The following P2RY6 variants were observed in gnomAD, a reference collection of about 807,000 sequenced individuals.
P2RY6 encodes the protein P2Y purinoceptor 6.
A neutral mutation model predicts 16.3 loss-of-function variants in P2RY6; 19 were observed. The ratio of observed to expected loss-of-function variants is 1.16; its 90% CI spans 0.81 to 1.71. The LOEUF is 1.71. P2RY6 is among the 40% of genes most tolerant of loss of function. The pLI is 0.00. For synonymous variants in P2RY6, 184 were observed against 201.5 expected, an observed-to-expected ratio of 0.91 and a Z score of 0.74; for missense variants, 389 against 455.5, an observed-to-expected ratio of 0.85 and a Z score of 1.33.
At chr11:73,273,017 T>C (rs1053815463) in intron 1 of P2RY6, among the ~76,000 whole-genome samples, 2 of 151,570 alleles carry the variant, frequency 1.3e-5, no homozygotes, top group African/African-American at 2.4e-5. Context: ...GAGGAGGCCC[T>C]TGGGAAGCCT....
rs376611766 is a variant in P2RY6, at chr11:73,285,747, A to G, written c.-120-9983A>G. On this transcript the variant is annotated intron_variant, in intron 1 of 2. Coordinates refer to ENST00000540124, the MANE Select transcript of P2RY6 (RefSeq NM_001277204.2). ...GAGGGTAGCAAAGGGTTTTGTCTTCAGGTTTGAAAACAGCCACAGACCACG... is the reference window on the plus strand; with the variant it reads ...GAGGGTAGCAAAGGGTTTTGTCTTCGGGTTTGAAAACAGCCACAGACCACG... Among the ~76,000 whole-genome samples, 22 of 152,274 alleles carry G rather than the reference A, an allele frequency of 1.4e-4. No individual in the cohort carries two copies. In the South Asian group the frequency reaches 4.1e-3, roughly 29 times the overall value.
At chr11:73,271,496 G>A (rs1393663787), upstream of P2RY6, 1 of 152,262 alleles carries the variant, frequency 6.6e-6, no homozygotes, top group African/African-American at 2.4e-5. Flanking sequence ...GAACAAGCCA[G>A]GGGGTACATG....
chr11:73,283,586 A>T (rs1473460624), intron 1 of P2RY6, among the ~76,000 whole-genome samples: 1 of 152,054 alleles, frequency 6.6e-6, no homozygotes, highest in African/African-American at 2.4e-5. Flanking sequence ...CACTTTGGAG[A>T]TTTCCTTGTG....
upstream of P2RY6, among the ~76,000 whole-genome samples, chr11:73,271,163 C>T (rs1863289424): frequency 6.6e-6 from 1 of 152,068 alleles, no homozygotes; most frequent in Non-Finnish European, 1.5e-5. Flanking sequence ...ACGGGGAGGG[C>T]CCACCATGGG....
chr11:73,276,427 G>A (rs114098808), intron 1 of P2RY6, among the ~76,000 whole-genome samples: 2,131 of 152,256 alleles, frequency 0.014, 34 homozygotes, highest in African/African-American at 0.049. Flanking sequence ...GTTCACAACA[G>A]CATTATTCAT....
At chr11:73,269,520 G>A (rs890645870), upstream of P2RY6, among the ~76,000 whole-genome samples, 1 of 152,142 alleles carries the variant, frequency 6.6e-6, no homozygotes, top group Non-Finnish European at 1.5e-5. Flanking sequence ...AGGGGTTTGC[G>A]GGGCTCCCCA....
intron 1 of P2RY6, among the ~76,000 whole-genome samples, chr11:73,286,792 C>T (rs1489560565): frequency 6.6e-6 from 1 of 152,124 alleles, no homozygotes; most frequent in African/African-American, 2.4e-5. Flanking sequence ...TTCGACTGGT[C>T]TTCTTCTCTG....
chr11:73,290,318 A>G (rs1864167117), intron 1 of P2RY6, among the ~76,000 whole-genome samples: 1 of 115,656 alleles, frequency 8.6e-6, no homozygotes, highest in Non-Finnish European at 1.9e-5. Context: ...AAAGAAAGAA[A>G]GAAAGAAAGA....
chr11:73,281,981 G>C (rs1223757064), intron 1 of P2RY6, among the ~76,000 whole-genome samples: 1 of 152,182 alleles, frequency 6.6e-6, no homozygotes, highest in Admixed American at 6.5e-5. Context: ...TTGATGACTG[G>C]ACACAGAGAT....
chr11:73,279,317 G>A (rs1421837165), intron 1 of P2RY6, among the ~76,000 whole-genome samples: 1 of 151,970 alleles, frequency 6.6e-6, no homozygotes, highest in Non-Finnish European at 1.5e-5. Flanking sequence ...CCATTCTGTA[G>A]GTTGCCTTCC....
At position 73,288,188 on chromosome 11, in the gene P2RY6, T is replaced by A. The variant is rs986431543; in HGVS notation, c.-120-7542T>A. On this transcript the variant is annotated intron_variant, in intron 1 of 2. Transcript: ENST00000540124. ...TGCTTGGTGCATCGTTAGTGCTCAA[T>A]GAATACATGTGTCCAGGTTGTGGTG... is the stretch of plus-strand genomic sequence containing the variant. Among the ~76,000 whole-genome samples, 7 of 152,212 alleles carry A rather than the reference T, an allele frequency of 4.6e-5. 1 individual carries two copies. Among genetic ancestry groups the A allele is most frequent in the Admixed American group, 4.6e-4 (7 of 15,278 alleles).
intron 1 of P2RY6, among the ~76,000 whole-genome samples, chr11:73,294,830 A>T (rs943809299): frequency 1.3e-5 from 2 of 152,230 alleles, no homozygotes; most frequent in Non-Finnish European, 1.5e-5. Context: ...CAACAATCTT[A>T]TAAGGCAGGT....
chr11:73,295,457 C>T (rs575574427), intron 1 of P2RY6, among the ~76,000 whole-genome samples: 8 of 152,316 alleles, frequency 5.3e-5, no homozygotes, highest in Admixed American at 1.3e-4. Context: ...TAAGCTGTCT[C>T]TTCTGGATTG....
Position 73,296,646 on chromosome 11 carries a change from T to C in P2RY6, c.128T>C (p.Leu43Pro), listed in dbSNP as rs1337607991. 21 of 1,614,064 alleles carry C rather than the reference T, an allele frequency of 1.3e-5. No individual in the cohort carries two copies. The Admixed American group carries it at 3.2e-4, about 24-fold the overall frequency. The change falls in exon 3 of 3, where the codon CTG becomes CCG. Residue 43 changes from leucine to proline, a missense_variant. Transcript: ENST00000540124. ...GCGGTGCTGGCGGCTGGCCTGCCGC[T>C]GAACATCTGTGTCATTACCCAGATC... ...YSAVLAAGLP[L>P]NICVITQICT...
At chr11:73,280,382 T>A (rs576192271) in intron 1 of P2RY6, among the ~76,000 whole-genome samples, 1 of 152,314 alleles carries the variant, frequency 6.6e-6, no homozygotes, top group East Asian at 1.9e-4. Context: ...TGTATTATCA[T>A]CATTATTAGT....
chr11:73,274,796 G>A (rs1863466231), intron 1 of P2RY6, among the ~76,000 whole-genome samples: 1 of 152,202 alleles, frequency 6.6e-6, no homozygotes, highest in South Asian at 2.1e-4. Flanking sequence ...AGGACCCGGG[G>A]CCTGTCGAGA....
At chr11:73,278,310 C>A (rs1256301920) in intron 1 of P2RY6, among the ~76,000 whole-genome samples, 1 of 152,114 alleles carries the variant, frequency 6.6e-6, no homozygotes, top group Non-Finnish European at 1.5e-5. Context: ...CAGGCACACA[C>A]CACCACGGCC....
rs59488451 is a variant in P2RY6 at position 73,278,146 on chromosome 11, TTTTATTTATTTA to T, written c.-121+5712_-121+5723del. On this transcript the variant is annotated intron_variant, in intron 1 of 2. Transcript: ENST00000540124. ...TCACCACCATGCATCTCCAGGACTG[TTTTATTTATTTA>T]TTTATTTATTTATTTATTTATTTAT... Among the ~76,000 whole-genome samples, 389 of 146,070 alleles carry T rather than the reference TTTTATTTATTTA, an allele frequency of 2.7e-3. 3 individuals are homozygous for T. Among genetic ancestry groups the T allele is most frequent in the East Asian group, 3.0e-3 (15 of 4,920 alleles).
chr11:73,265,950 T>C (rs535285289), intron 1 of P2RY6, among the ~76,000 whole-genome samples: 1 of 152,364 alleles, frequency 6.6e-6, no homozygotes, highest in African/African-American at 2.4e-5. Context: ...AGGTTATTTT[T>C]AGGACTGACT....
Sources: allele counts gnomAD v4.1 joint callset (sites outside exome capture counted in the v4.1 genomes callset), GRCh38; gene constraint gnomAD v4.1.1; transcripts MANE v1.5; gene names NCBI Gene and HGNC (gene_info 2026-07-23, HGNC 2026-07-21).